DGKI: variants seen among roughly 807,000 people sequenced by gnomAD.
The protein encoded by DGKI is diacylglycerol kinase iota.
DGKI carries 55 observed loss-of-function variants against 147.5 expected under a neutral mutation model. The ratio of observed to expected loss-of-function variants is 0.37; its 90% confidence interval spans 0.30 to 0.47. The LOEUF is 0.47. DGKI is among the 20% of genes least tolerant of loss of function. DGKI has a pLI of 1.00. For synonymous variants in DGKI, 469 were observed against 477.1 expected (o/e 0.98, Z 0.22); for missense variants, 1,007 against 1,323.8 (o/e 0.76, Z 3.71).
chr7:137,458,977 T>C (rs1814312681), intron 27 of DGKI, among the ~76,000 whole-genome samples: 2 of 152,064 alleles, frequency 1.3e-5, no homozygotes, highest in South Asian at 4.1e-4. Flanking sequence ...AATTGGTTCT[T>C]AAATATTTGT....
At chr7:137,498,657 C>A (rs988330302) in intron 21 of DGKI, among the ~76,000 whole-genome samples, 20 of 152,112 alleles carry the variant, frequency 1.3e-4, no homozygotes, top group Non-Finnish European at 2.9e-5. Flanking sequence ...AAGACTTTTA[C>A]AGATAACCCA....
chr7:137,466,994 CA>C, intron 24 of DGKI, 52 bp from the exon 25 acceptor site: 1 of 1,567,214 alleles, frequency 6.4e-7, no homozygotes. Flanking sequence ...AATCTGGCAC[CA>C]AATTTATAAC....
chr7:137,444,222 A>C (rs1262207745), intron 27 of DGKI, 120 bp from the exon 28 acceptor site: 1 of 610,044 alleles, frequency 1.6e-6, no homozygotes, highest in Non-Finnish European at 2.8e-6. Flanking sequence ...TATAGTAGAC[A>C]GTGTAATTAA....
intron 3 of DGKI, among the ~76,000 whole-genome samples, chr7:137,668,263 C>T (rs546252969): frequency 6.6e-6 from 1 of 152,238 alleles, no homozygotes; most frequent in South Asian, 2.1e-4. Context: ...GCCAAGATGG[C>T]AAAAAGCAGT....
chr7:137,750,391 G>A (rs1795460092), intron 1 of DGKI, among the ~76,000 whole-genome samples: 1 of 152,176 alleles, frequency 6.6e-6, no homozygotes, highest in South Asian at 2.1e-4. Context: ...AGCCCTCAAG[G>A]GGAGGATCCT....
In DGKI at chr7:137,391,353, A is replaced by AT; in HGVS notation, c.3058-18_3058-17insA. On this transcript the variant is annotated splice_polypyrimidine_tract_variant and intron_variant, in intron 32 of 32. Coordinates refer to ENST00000614521, the MANE Select transcript of DGKI (RefSeq NM_001321708.2). The stretch of plus-strand genomic sequence containing the variant: ...TGTCTTACCCTATACGAAAATAGTG[A>AT]GAAAAAAAAAAAGAGAGAGAGAGAT... 1 of 1,456,190 alleles carries AT rather than the reference A, an allele frequency of 6.9e-7. No homozygotes were observed. Among genetic ancestry groups the AT allele is most frequent in the Non-Finnish European group, 9.3e-7 (1 of 1,079,182 alleles). 90.2% of individuals were successfully genotyped at this position (1,456,190 alleles called of 1,614,324 possible).
chr7:137,652,433 A>G (rs1224747800), intron 5 of DGKI, among the ~76,000 whole-genome samples: 1 of 152,208 alleles, frequency 6.6e-6, no homozygotes. Flanking sequence ...AGGTGGGTAT[A>G]TGAATCCCCT....
intron 25 of DGKI, 113 bp from the exon 26 acceptor site, chr7:137,466,148 G>A: frequency 3.0e-6 from 4 of 1,323,280 alleles, no homozygotes; most frequent in Non-Finnish European, 3.2e-6. Context: ...GTTGTCAGAA[G>A]CTTGATCAGT....
Position 137,463,562 on chromosome 7 carries a change from T to C in DGKI, c.2662A>G (p.Ser888Gly), listed in dbSNP as rs1814534680. The C allele has an allele frequency of 1.2e-6, 2 of 1,614,172 alleles. No homozygotes were observed. Among genetic ancestry groups the C allele is most frequent in the Non-Finnish European group, 8.5e-7 (1 of 1,180,016 alleles). The change falls in exon 27 of 33, where the codon AGT becomes GGT. Residue 888 changes from serine (S) to glycine (G), a missense_variant. Around this residue, in one of 5 missense-constraint regions of DGKI, gnomAD observed 385 missense variants for 445.2 expected, o/e 0.86. Coordinates refer to ENST00000614521, the MANE Select transcript of DGKI (RefSeq NM_001321708.2). ...TAGGGAGCTATCATCCCCAGCCCACTGTCACTCAGCATGCGTTTCCGCAGG... is the reference window on the plus strand; with the variant it reads ...TAGGGAGCTATCATCCCCAGCCCACCGTCACTCAGCATGCGTTTCCGCAGG... ...PALRKRMLSD[S>G]GLGMIAPYYE...
chr7:137,776,995 G>A (rs530302387), intron 1 of DGKI, among the ~76,000 whole-genome samples: 25 of 152,076 alleles, frequency 1.6e-4, no homozygotes, highest in South Asian at 1.5e-3. Flanking sequence ...GACCAGCCTG[G>A]GAAACACAGC....
chr7:137,464,029 G>A (rs1814554037), intron 26 of DGKI, among the ~76,000 whole-genome samples: 1 of 151,846 alleles, frequency 6.6e-6, no homozygotes, highest in East Asian at 1.9e-4. Flanking sequence ...TTTATTTTTG[G>A]AGCTAGAGCT....
intron 21 of DGKI, among the ~76,000 whole-genome samples, chr7:137,512,952 A>G (rs938170640): frequency 1.3e-5 from 2 of 152,208 alleles, no homozygotes; most frequent in Admixed American, 6.5e-5. Context: ...CAAGACAGCC[A>G]GAAACCGGCA....
At chr7:137,615,257 T>C (rs1820490061) in intron 8 of DGKI, among the ~76,000 whole-genome samples, 1 of 152,036 alleles carries the variant, frequency 6.6e-6, no homozygotes, top group African/African-American at 2.4e-5. Context: ...ACTCTTTTAT[T>C]AAGGATTTAC....
At chr7:137,725,014 G>A (rs555606109) in intron 1 of DGKI, among the ~76,000 whole-genome samples, 7 of 152,270 alleles carry the variant, frequency 4.6e-5, no homozygotes, top group African/African-American at 1.7e-4. Context: ...AGGAAAAGCA[G>A]AGGAGAAAAG....
intron 19 of DGKI, among the ~76,000 whole-genome samples, chr7:137,558,566 C>T (rs1397589519): frequency 2.6e-5 from 4 of 150,992 alleles, no homozygotes; most frequent in Non-Finnish European, 4.4e-5. Context: ...GTGTGAGCCA[C>T]TGCGCCCAGC....
At chr7:137,554,035 A>T (rs1042179231) in intron 19 of DGKI, among the ~76,000 whole-genome samples, 4 of 152,194 alleles carry the variant, frequency 2.6e-5, no homozygotes, top group African/African-American at 9.6e-5. Flanking sequence ...ATCTTCTCAG[A>T]CTCAAAAATA....
At chr7:137,690,129 T>C (rs1415622086) in intron 1 of DGKI, 127 bp from the exon 2 acceptor site, 1 of 635,532 alleles carries the variant, frequency 1.6e-6, no homozygotes. Flanking sequence ...CTGAAAATCT[T>C]TACCAAAGTA....
intron 8 of DGKI, among the ~76,000 whole-genome samples, chr7:137,615,521 A>G (rs1563113096): frequency 6.9e-6 from 1 of 144,374 alleles, no homozygotes; most frequent in African/African-American, 2.7e-5. Context: ...ATATATGTGT[A>G]TATGTATGTA....
chr7:137,470,000 G>A (rs1258409753), intron 23 of DGKI, among the ~76,000 whole-genome samples: 1 of 152,174 alleles, frequency 6.6e-6, no homozygotes, highest in African/African-American at 2.4e-5. Flanking sequence ...CACAGAATGG[G>A]AATGAATCAA....
Sources: allele counts gnomAD v4.1 joint callset (sites outside exome capture counted in the v4.1 genomes callset), GRCh38; gene constraint gnomAD v4.1.1; regional missense constraint gnomAD v4.1.1; transcripts MANE v1.5; gene names NCBI Gene and HGNC (gene_info 2026-07-23, HGNC 2026-07-21).